The following AUTS2 variants were observed in gnomAD, a reference collection of about 807,000 sequenced individuals.
AUTS2 encodes the protein autism susceptibility gene 2 protein.
A neutral mutation model predicts 112.4 loss-of-function variants in AUTS2; 17 were observed. The ratio of observed to expected loss-of-function variants is 0.15; its 90% CI spans 0.10 to 0.23. AUTS2 has a LOEUF of 0.23. Among genes scored for constraint, AUTS2 ranks in the 10% least tolerant of loss-of-function variants. The pLI, the probability that AUTS2 is intolerant of heterozygous loss-of-function variation, is 1.00. For missense variants in AUTS2, 1,510 were observed against 1,701.6 expected, an observed-to-expected ratio of 0.89 and a Z score of 1.98; for synonymous variants, 751 against 702.7, an observed-to-expected ratio of 1.07 and a Z score of -1.09.
intron 1 of AUTS2, among the ~76,000 whole-genome samples, chr7:69,726,604 A>G (rs1786528640): frequency 6.6e-6 from 1 of 151,370 alleles, no homozygotes; most frequent in Non-Finnish European, 1.5e-5. Flanking sequence ...GTGTATGTTT[A>G]ACTTTATAAG....
At chr7:69,904,946 T>C (rs1562960640) in intron 2 of AUTS2, among the ~76,000 whole-genome samples, 1 of 152,176 alleles carries the variant, frequency 6.6e-6, no homozygotes, top group African/African-American at 2.4e-5. Flanking sequence ...AGAACCCCAA[T>C]CTAGGCTTGT....
intron 1 of AUTS2, among the ~76,000 whole-genome samples, chr7:69,776,458 C>G (rs904854255): frequency 2.6e-5 from 4 of 152,148 alleles, no homozygotes; most frequent in African/African-American, 7.2e-5. Flanking sequence ...GTCTGATACT[C>G]AGGTTAGAGT....
At chr7:70,610,446 TTTTTTTC>T (rs1804032527) in intron 5 of AUTS2, among the ~76,000 whole-genome samples, 1 of 118,598 alleles carries the variant, frequency 8.4e-6, no homozygotes, top group African/African-American at 3.5e-5. Flanking sequence ...TTTTTTTTTT[TTTTTTTC>T]CTGACAGAGT....
At chr7:70,259,169 G>A (rs1584943003) in intron 4 of AUTS2, among the ~76,000 whole-genome samples, 2 of 152,114 alleles carry the variant, frequency 1.3e-5, no homozygotes, top group East Asian at 1.9e-4. Context: ...TCCACGATGC[G>A]AGCATGGTAT....
At chr7:69,830,113 T>C (rs991260718) in intron 1 of AUTS2, among the ~76,000 whole-genome samples, 6 of 152,136 alleles carry the variant, frequency 3.9e-5, no homozygotes, top group African/African-American at 1.4e-4. Flanking sequence ...GAAGCCATCA[T>C]CCTCAGCAAA....
chr7:69,928,839 A>G (rs7781686), intron 2 of AUTS2, among the ~76,000 whole-genome samples: 13,151 of 152,122 alleles, frequency 0.086, 654 homozygotes, highest in East Asian at 0.13. Context: ...GGCTCCTGCT[A>G]GGATCACCTG....
chr7:70,338,833 CTTAT>C (rs60351906), intron 4 of AUTS2, among the ~76,000 whole-genome samples: 4,134 of 140,986 alleles, frequency 0.029, 90 homozygotes, highest in African/African-American at 0.051. Flanking sequence ...AGCCTCATCT[CTTAT>C]TTATTTATTT....
chr7:70,511,458 C>T (rs998393234), intron 5 of AUTS2, among the ~76,000 whole-genome samples: 3 of 151,418 alleles, frequency 2.0e-5, no homozygotes, highest in Non-Finnish European at 2.9e-5. Flanking sequence ...TCTAGGTAAT[C>T]ACACATCCCA....
intron 1 of AUTS2, among the ~76,000 whole-genome samples, chr7:69,764,285 C>T (rs370823364): frequency 6.6e-6 from 1 of 152,122 alleles, no homozygotes; most frequent in Non-Finnish European, 1.5e-5. Context: ...GTAACATGGG[C>T]TCTTGCTAGC....
intron 4 of AUTS2, among the ~76,000 whole-genome samples, chr7:70,216,282 G>GA (rs1375011356): frequency 2.6e-5 from 4 of 152,198 alleles, no homozygotes; most frequent in African/African-American, 9.6e-5. Context: ...TATGGACCCT[G>GA]AAAGGTGTAT....
At chr7:70,432,497 C>G (rs1795714165) in intron 4 of AUTS2, among the ~76,000 whole-genome samples, 1 of 152,142 alleles carries the variant, frequency 6.6e-6, no homozygotes, top group South Asian at 2.1e-4. Context: ...ATAAAACAGC[C>G]TCCCTTTTTC....
At chr7:70,245,563 G>T (rs1238251028) in intron 4 of AUTS2, among the ~76,000 whole-genome samples, 2 of 152,100 alleles carry the variant, frequency 1.3e-5, no homozygotes, top group African/African-American at 2.4e-5. Context: ...CTGTGTTGTT[G>T]CACATAGCTG....
At chr7:70,758,583 A>G (rs941766687) in intron 6 of AUTS2, among the ~76,000 whole-genome samples, 2 of 152,254 alleles carry the variant, frequency 1.3e-5, no homozygotes, top group African/African-American at 4.8e-5. Context: ...TAGTATAAGC[A>G]TGATGAACTA....
intron 2 of AUTS2, among the ~76,000 whole-genome samples, chr7:70,088,391 T>C (rs1385325287): frequency 6.6e-6 from 1 of 151,894 alleles, no homozygotes; most frequent in Non-Finnish European, 1.5e-5. Context: ...CCTCCCAAAG[T>C]GCTGGGATTA....
intron 4 of AUTS2, among the ~76,000 whole-genome samples, chr7:70,195,620 C>T (rs1810131948): frequency 6.6e-6 from 1 of 152,212 alleles, no homozygotes; most frequent in African/African-American, 2.4e-5. Context: ...CGCTGCACTC[C>T]AGCCTGCACG....
At chr7:70,263,050 C>T (rs2129607523) in intron 4 of AUTS2, among the ~76,000 whole-genome samples, 1 of 151,830 alleles carries the variant, frequency 6.6e-6, no homozygotes, top group East Asian at 1.9e-4. Context: ...ATAAATGTTA[C>T]TAGGAAATAT....
In AUTS2 at chr7:69,805,376, A is replaced by T. The variant is rs140265126; in HGVS notation, c.310-93910A>T. ...CAAACTGCCATGGGGGAGGATAGTC[A>T]GAAAGAGGAGACAAATAATACGCAG... On this transcript the variant is annotated intron_variant, in intron 1 of 18. Transcript: ENST00000342771. Among the ~76,000 whole-genome samples, 954 of 152,342 alleles carry T rather than the reference A, an allele frequency of 6.3e-3. 8 individuals are homozygous for T. The highest frequency in any genetic ancestry group is 0.011 in the Non-Finnish European group (740 of 68,030).
intron 5 of AUTS2, among the ~76,000 whole-genome samples, chr7:70,678,375 A>G (rs1379119997): frequency 2.0e-5 from 3 of 152,244 alleles, no homozygotes; most frequent in Non-Finnish European, 2.9e-5. Context: ...AGAGGCTAAC[A>G]CTGCCGAACG....
intron 4 of AUTS2, among the ~76,000 whole-genome samples, chr7:70,217,049 T>C (rs1472652668): frequency 1.3e-5 from 2 of 152,128 alleles, no homozygotes; most frequent in Non-Finnish European, 2.9e-5. Context: ...TACATAGGCG[T>C]ATTTTTTTTT....
Sources: allele counts gnomAD v4.1 joint callset (sites outside exome capture counted in the v4.1 genomes callset), GRCh38; gene constraint gnomAD v4.1.1; transcripts MANE v1.5; gene names NCBI Gene and HGNC (gene_info 2026-07-23, HGNC 2026-07-21).